Variants in AASS observed in about 807,000 individuals in gnomAD.
AASS encodes alpha-aminoadipic semialdehyde synthase, mitochondrial.
A neutral mutation model predicts 105.4 loss-of-function variants in AASS; 86 were observed. The observed-to-expected ratio is 0.82, with a 90% CI of 0.69 to 0.98. The LOEUF (loss-of-function observed/expected upper bound fraction) is 0.98. AASS is among the 50% of genes least tolerant of loss of function. The pLI, the probability that AASS is intolerant of heterozygous loss-of-function variation, is 0.00. For synonymous variants in AASS, 381 were observed against 394.8 expected (o/e 0.96, Z 0.41); for missense variants, 1,048 against 1,143.2 (o/e 0.92, Z 1.20).
At chr7:122,086,757 C>T (rs1434952187) in intron 18 of AASS, among the ~76,000 whole-genome samples, 1 of 152,116 alleles carries the variant, frequency 6.6e-6, no homozygotes, top group Non-Finnish European at 1.5e-5. Flanking sequence ...CAGTCACATA[C>T]ATTTCATTCA....
chr7:122,100,884 T>A (rs1481526678), intron 13 of AASS, among the ~76,000 whole-genome samples: 1 of 151,844 alleles, frequency 6.6e-6, no homozygotes, highest in Non-Finnish European at 1.5e-5. Context: ...GAAAACTACC[T>A]CTTACTTTCA....
chr7:122,085,543 G>T (rs1793581313), intron 19 of AASS, among the ~76,000 whole-genome samples: 1 of 151,966 alleles, frequency 6.6e-6, no homozygotes. Context: ...ATATAACATA[G>T]GCCAAAGTAG....
intron 11 of AASS, among the ~76,000 whole-genome samples, chr7:122,109,909 C>A (rs12113399): frequency 5.9e-5 from 9 of 151,768 alleles, no homozygotes; most frequent in Non-Finnish European, 1.0e-4. Flanking sequence ...GCAAACTATA[C>A]GTCTCACAAG....
chr7:122,096,439 G>A (rs1794158046), intron 15 of AASS, among the ~76,000 whole-genome samples: 1 of 151,860 alleles, frequency 6.6e-6, no homozygotes. Context: ...ACCAGCCTGA[G>A]CAACATGGTG....
At position 122,117,033 on chromosome 7, in the gene AASS, C is replaced by T. The variant is rs1187506459; in HGVS notation, c.688-76G>A. 6 of 1,335,864 alleles carry T rather than the reference C, an allele frequency of 4.5e-6. No individual in the cohort carries two copies. In the African/African-American group the frequency reaches 8.6e-5, roughly 19 times the overall value. The allele number at this position is 1,335,864 out of a possible 1,614,324, so 82.8% of individuals were successfully genotyped here. A position where few individuals can be genotyped will look rare whatever the true frequency, so the allele number is the denominator to read the frequency against. ...ACATGGTTTTCTGCAAAGATCTGAT[C>T]ATTTTCCCAACAATTACATAGCTCC... On this transcript the variant is annotated intron_variant, in intron 6 of 23. Transcript: ENST00000417368.
At chr7:122,093,416 G>A (rs1248186148) in intron 15 of AASS, among the ~76,000 whole-genome samples, 1 of 152,124 alleles carries the variant, frequency 6.6e-6, no homozygotes, top group Non-Finnish European at 1.5e-5. Flanking sequence ...CTATCCAAAG[G>A]AAAATAGATT....
intron 3 of AASS, among the ~76,000 whole-genome samples, chr7:122,128,876 A>G (rs184322533): frequency 3.3e-4 from 50 of 152,338 alleles, no homozygotes; most frequent in Non-Finnish European, 6.0e-4. Flanking sequence ...CAGGAGATTG[A>G]GACGATCCTG....
intron 11 of AASS, among the ~76,000 whole-genome samples, chr7:122,109,028 A>C (rs1794807801): frequency 6.6e-6 from 1 of 152,004 alleles, no homozygotes; most frequent in African/African-American, 2.4e-5. Context: ...AATCTGAAAA[A>C]AAATCCCATT....
chr7:122,094,412 G>GT (rs1028987625), intron 15 of AASS, among the ~76,000 whole-genome samples: 9 of 151,752 alleles, frequency 5.9e-5, no homozygotes, highest in Middle Eastern at 3.4e-3. Flanking sequence ...TGTTTATTTT[G>GT]TTTTTTTAAT....
At position 122,103,055 on chromosome 7, in the gene AASS, G is replaced by A. The variant is rs546598778; in HGVS notation, c.1279-1375C>T. On this transcript the variant is annotated intron_variant, in intron 11 of 23. Coordinates refer to ENST00000417368, the MANE Select transcript of AASS (RefSeq NM_005763.4). The stretch of plus-strand genomic sequence containing the variant: ...AAAACTTTAAAATTAGTGAATATAA[G>A]TTTTTGATAAATGAAAAATAACATG... Among the ~76,000 whole-genome samples, 5 of 152,024 alleles carry A rather than the reference G, an allele frequency of 3.3e-5. No homozygotes were observed. In the East Asian group the frequency reaches 9.7e-4, roughly 29 times the overall value.
intron 1 of AASS, among the ~76,000 whole-genome samples, 165 bp downstream of exon 1, chr7:122,143,996 C>A (rs1338437884): frequency 1.3e-5 from 2 of 152,190 alleles, no homozygotes; most frequent in Non-Finnish European, 2.9e-5. Context: ...TTCTCCCTCT[C>A]TCGGCCCGGC....
At position 122,118,269 on chromosome 7, in the gene AASS, T is replaced by C. The variant is rs755539756; in HGVS notation, c.687+38A>G. ...CATCATTTGGGTTAGTTTCAAAGTT[T>C]TGGATTGTTTTACAAAAGGAAGTCA... On this transcript the variant is annotated intron_variant, in intron 6 of 23. Transcript: ENST00000417368. The C allele has an allele frequency of 8.7e-6, 14 of 1,611,472 alleles. No individual in the cohort carries two copies. In the East Asian group the frequency reaches 2.2e-4, roughly 26 times the overall value.
At chr7:122,097,534 C>T (rs574150106) in intron 15 of AASS, among the ~76,000 whole-genome samples, 78 of 152,062 alleles carry the variant, frequency 5.1e-4, no homozygotes, top group Non-Finnish European at 1.0e-3. Flanking sequence ...ACCTTTTACC[C>T]TTAAGCAGGC....
At chr7:122,107,692 A>G (rs1794729176) in intron 11 of AASS, among the ~76,000 whole-genome samples, 1 of 152,108 alleles carries the variant, frequency 6.6e-6, no homozygotes, top group Non-Finnish European at 1.5e-5. Context: ...AGCAGGAGCT[A>G]AATGATGAGG....
chr7:122,116,333 T>C (rs1795171317), intron 8 of AASS, among the ~76,000 whole-genome samples: 1 of 152,134 alleles, frequency 6.6e-6, no homozygotes. Flanking sequence ...TAGTCCAGGA[T>C]AAATACAGAA....
chr7:122,078,784 C>T (rs1293822674), intron 22 of AASS, 78 bp downstream of exon 22: 4 of 1,373,190 alleles, frequency 2.9e-6, no homozygotes, highest in Non-Finnish European at 4.2e-6. Context: ...TGGGGCCAAC[C>T]CTCCAATACG....
At chr7:122,113,254 C>A in intron 10 of AASS, 25 bp from the exon 11 acceptor site, 2 of 1,587,206 alleles carry the variant, frequency 1.3e-6, no homozygotes, top group South Asian at 1.1e-5. Flanking sequence ...GTGGTTTATT[C>A]AGAAGCACAA....
chr7:122,090,338 G>T (rs1273955819), intron 18 of AASS, among the ~76,000 whole-genome samples: 1 of 152,058 alleles, frequency 6.6e-6, no homozygotes, highest in African/African-American at 2.4e-5. Flanking sequence ...AGAATCACTA[G>T]GAAGATTTAA....
intron 4 of AASS, among the ~76,000 whole-genome samples, chr7:122,124,450 T>C (rs1213137338): frequency 6.6e-6 from 1 of 152,076 alleles, no homozygotes; most frequent in Non-Finnish European, 1.5e-5. Flanking sequence ...GCCCGGCTAA[T>C]TTTTGTATTT....
Sources: allele counts gnomAD v4.1 joint callset (sites outside exome capture counted in the v4.1 genomes callset), GRCh38; gene constraint gnomAD v4.1.1; transcripts MANE v1.5; gene names NCBI Gene and HGNC (gene_info 2026-07-23, HGNC 2026-07-21).